JADE3: variants seen among roughly 807,000 people sequenced by gnomAD.
JADE3 encodes protein Jade-3.
A neutral mutation model predicts 50.1 loss-of-function variants in JADE3; 2 were observed. The observed-to-expected ratio is 0.04, with a 90% CI of 0.02 to 0.13. The LOEUF is 0.13. Among genes scored for constraint, JADE3 ranks in the 10% least tolerant of loss-of-function variants. The probability of loss-of-function intolerance (pLI) is 1.00; values close to 1 mark genes in which losing one functional copy is unlikely to be tolerated. For synonymous variants in JADE3, 218 were observed against 232.9 expected, an observed-to-expected ratio of 0.94 and a Z score of 0.58; for missense variants, 475 against 634.4, an observed-to-expected ratio of 0.75 and a Z score of 2.70.
chrX:47,018,396 C>T (rs12854265), intron 4 of JADE3, among the ~76,000 whole-genome samples: 1 of 109,155 alleles, frequency 9.2e-6, no homozygotes, highest in Non-Finnish European at 1.9e-5. Flanking sequence ...TGCAGTGGCG[C>T]GATCTGGGCT....
chrX:47,007,180 A>T (rs1223377744), intron 4 of JADE3, among the ~76,000 whole-genome samples: 3 of 111,597 alleles, frequency 2.7e-5, no homozygotes, highest in African/African-American at 6.5e-5. Context: ...GTTGAGGTTT[A>T]TTTTATGGCC....
At chrX:46,938,112 G>T (rs1926674365) in intron 1 of JADE3, among the ~76,000 whole-genome samples, 1 of 111,380 alleles carries the variant, frequency 9.0e-6, no homozygotes, top group African/African-American at 3.3e-5. Context: ...TGTGTAGTTG[G>T]GTCATGTTTT....
chrX:47,034,661 G>A (rs782816132), intron 7 of JADE3, among the ~76,000 whole-genome samples: 72 of 109,592 alleles, frequency 6.6e-4, no homozygotes, highest in Admixed American at 1.4e-3. Context: ...GTGCAGTGGC[G>A]CTATCTCGGC....
At chrX:46,990,265 G>C (rs1927956566) in intron 3 of JADE3, among the ~76,000 whole-genome samples, 1 of 111,126 alleles carries the variant, frequency 9.0e-6, no homozygotes, top group Admixed American at 9.6e-5. Flanking sequence ...GACTTTTTTA[G>C]TATTATGTCA....
At chrX:47,035,091 CTTATGGCTGCCT>C (rs1330790875) in intron 7 of JADE3, among the ~76,000 whole-genome samples, 3 of 109,623 alleles carry the variant, frequency 2.7e-5, no homozygotes, top group African/African-American at 1.0e-4. Flanking sequence ...GACATTTCTT[CTTATGGCTGCCT>C]TTTTTTTTCT....
intron 1 of JADE3, among the ~76,000 whole-genome samples, chrX:46,923,387 CTCTCTCTTTTTTT>C (rs1283051850): frequency 7.6e-5 from 2 of 26,248 alleles, no homozygotes; most frequent in African/African-American, 1.5e-4. Context: ...CTCTCTCTCT[CTCTCTCTTTTTTT>C]TTTTTTTTTT....
chrX:47,018,732 A>G (rs946142344), intron 4 of JADE3, among the ~76,000 whole-genome samples: 16 of 112,062 alleles, frequency 1.4e-4, no homozygotes, highest in Non-Finnish European at 3.0e-4. Flanking sequence ...CCCCAAACTT[A>G]GCAGCTTAGA....
At position 47,002,130 on chromosome X, in the gene JADE3, A is replaced by AT. The variant is rs781854065; in HGVS notation, c.284+3863dup. 4.3e-3 allele frequency among the ~76,000 whole-genome samples: 467 copies of AT among 107,793 alleles called. 1 individual carries two copies. Among genetic ancestry groups the AT allele is most frequent in the Non-Finnish European group, 7.2e-3 (373 of 51,667 alleles). 93.6% of individuals were successfully genotyped at this position (107,793 alleles called of 115,157 possible). On this transcript the variant is annotated intron_variant, in intron 4 of 10. Coordinates refer to ENST00000614628, the MANE Select transcript of JADE3 (RefSeq NM_014735.5). ...GATTTTGATGAAGTTCAATTTATTG[A>AT]TTTTTTTTTTCTTCTGGATCATGCT...
intron 1 of JADE3, among the ~76,000 whole-genome samples, chrX:46,972,046 G>A (rs1051451026): frequency 3.6e-5 from 4 of 111,078 alleles, no homozygotes; most frequent in Admixed American, 9.6e-5. Flanking sequence ...ACAAATCAGC[G>A]TGTGAGCTAA....
rs146538895 is a variant in JADE3, at chrX:46,932,052, C to T, written c.-12+19333C>T. ...GAAATGCCTGTGTAAAGTAAAAATA[C>T]GTAAGCACTACAACACTGTTCTAAA... On this transcript the variant is annotated intron_variant, in intron 1 of 10. Coordinates refer to ENST00000614628, the MANE Select transcript of JADE3 (RefSeq NM_014735.5). 4.4e-3 allele frequency among the ~76,000 whole-genome samples: 497 copies of T among 112,062 alleles called. 1 individual carries two copies. Among genetic ancestry groups the T allele is most frequent in the African/African-American group, 0.015 (463 of 30,889 alleles).
intron 1 of JADE3, among the ~76,000 whole-genome samples, chrX:46,928,933 G>A (rs1926434056): frequency 1.8e-5 from 2 of 111,769 alleles, no homozygotes; most frequent in African/African-American, 6.5e-5. Context: ...TGATCTAATG[G>A]CTATATACTT....
At chrX:46,972,059 C>A (rs536180789) in intron 1 of JADE3, among the ~76,000 whole-genome samples, 1 of 111,590 alleles carries the variant, frequency 9.0e-6, no homozygotes, top group South Asian at 3.7e-4. Flanking sequence ...TGAGCTAAAT[C>A]TAGCTTGTCA....
chrX:47,044,436 TATC>T (rs1299208239), intron 8 of JADE3, among the ~76,000 whole-genome samples: 3 of 111,335 alleles, frequency 2.7e-5, no homozygotes, highest in African/African-American at 9.8e-5. Context: ...CCAGTGAAAA[TATC>T]ATTCAAACGT....
chrX:46,983,263 G>GA (rs1434475570), intron 1 of JADE3, among the ~76,000 whole-genome samples: 6 of 111,534 alleles, frequency 5.4e-5, no homozygotes, highest in African/African-American at 2.0e-4. Context: ...CTCTCCCTGG[G>GA]AAAAATCTTT....
chrX:46,935,804 T>C (rs1926604012), intron 1 of JADE3, among the ~76,000 whole-genome samples: 1 of 105,183 alleles, frequency 9.5e-6, no homozygotes, highest in South Asian at 4.2e-4. Context: ...ATCTTTTTCT[T>C]GTTTCAACTT....
rs782263776 is a variant in JADE3, at chrX:47,058,905, A to G, written c.2300A>G (p.Tyr767Cys). The G allele has an allele frequency of 8.3e-7, 1 of 1,211,477 alleles. No homozygotes were observed. Among genetic ancestry groups the G allele is most frequent in the Non-Finnish European group, 1.1e-6 (1 of 895,412 alleles). The change falls in exon 11 of 11, where the codon TAT becomes TGT. Residue 767 changes from tyrosine to cysteine, a missense_variant. Coordinates refer to ENST00000614628, the MANE Select transcript of JADE3 (RefSeq NM_014735.5). ...GCTCCATATCAGGAAAATGATGGCT[A>G]TTGCCCAGATTTGGAGCTGAGTGAT... The part of the protein sequence containing the change: ...GRAPYQENDG[Y>C]CPDLELSDSE...
intron 1 of JADE3, among the ~76,000 whole-genome samples, chrX:46,954,001 A>G (rs185718913): frequency 9.7e-4 from 108 of 111,462 alleles, no homozygotes; most frequent in Non-Finnish European, 2.6e-4. Context: ...ACCAAATTCT[A>G]TCTCCCAAGG....
intron 4 of JADE3, among the ~76,000 whole-genome samples, chrX:47,015,504 A>G (rs1213296726): frequency 1.8e-5 from 2 of 108,221 alleles, no homozygotes; most frequent in African/African-American, 3.4e-5. Flanking sequence ...GAATCGCTTG[A>G]ACCTGGGAAA....
At chrX:46,936,281 G>T (rs782795528) in intron 1 of JADE3, among the ~76,000 whole-genome samples, 1 of 111,379 alleles carries the variant, frequency 9.0e-6, no homozygotes, top group Non-Finnish European at 1.9e-5. Context: ...AGCCTCCCAA[G>T]AATACATTGA....
Sources: allele counts gnomAD v4.1 joint callset (sites outside exome capture counted in the v4.1 genomes callset), GRCh38; gene constraint gnomAD v4.1.1; transcripts MANE v1.5; gene names NCBI Gene and HGNC (gene_info 2026-07-23, HGNC 2026-07-21).